The following SLC3A2 variants were observed in gnomAD, a reference collection of about 807,000 sequenced individuals.
SLC3A2 encodes the protein solute carrier family 3 member 2.
Under a neutral mutation model 48.5 loss-of-function variants are expected in SLC3A2, and 32 were observed. That is an observed-to-expected ratio of 0.66 (90% CI 0.50 to 0.89). The LOEUF is 0.89. Ranked by LOEUF, SLC3A2 falls within the 40% of genes least tolerant of loss-of-function variation. The pLI is 0.00. For synonymous variants in SLC3A2, 277 were observed against 288.8 expected, an observed-to-expected ratio of 0.96 and a Z score of 0.41; for missense variants, 587 against 680.7, an observed-to-expected ratio of 0.86 and a Z score of 1.53.
At position 62,862,572 on chromosome 11, in the gene SLC3A2, G is replaced by C. The variant is rs571516574; in HGVS notation, c.112+6191G>C. 5.3e-5 allele frequency among the ~76,000 whole-genome samples: 8 copies of C among 152,034 alleles called. No individual in the cohort carries two copies. In the South Asian group the frequency reaches 1.7e-3, roughly 32 times the overall value. Reference sequence around the variant, plus strand: ...CTTCTCACCCACAGTCAACTCCCTGGGGTTTGATTTTATCTAGGTAAATCA... The same window carrying C: ...CTTCTCACCCACAGTCAACTCCCTGCGGTTTGATTTTATCTAGGTAAATCA... On this transcript the variant is annotated intron_variant, in intron 1 of 9. Coordinates refer to the SLC3A2 transcript ENST00000377889.
In SLC3A2 at chr11:62,881,630, C is replaced by A; in HGVS notation, c.424+183C>A. 1.0e-6 allele frequency: 1 copy of A among 989,686 alleles called. No individual in the cohort carries two copies. The highest frequency in any genetic ancestry group is 1.7e-5 in the South Asian group (1 of 57,696). The allele number at this position is 989,686 out of a possible 1,614,324, so 61.3% of individuals were successfully genotyped here. On this transcript the variant is annotated intron_variant, in intron 1 of 8. Transcript: ENST00000338663. This position sits in a 1 kb window ranked among gnomAD's most constrained non-coding sequence, Gnocchi z 4.0. ...CTTCCCTCCTTTCTTTGAAGAAAGC[C>A]GACCCGCCCCTCACTCCGTCACGAG... is the stretch of plus-strand genomic sequence containing the variant.
At chr11:62,882,607 C>G (rs572895130) in intron 2 of SLC3A2, 7 of 341,992 alleles carry the variant, frequency 2.0e-5, no homozygotes, top group African/African-American at 6.3e-5. Context: ...GCCTCAGCCT[C>G]CTGAGTAGCT....
chr11:62,886,804 G>C (rs532601485), intron 7 of SLC3A2, among the ~76,000 whole-genome samples: 2 of 152,240 alleles, frequency 1.3e-5, no homozygotes, highest in Admixed American at 1.3e-4. Flanking sequence ...CACTGTTGTT[G>C]CCCAGGCTGG....
At chr11:62,873,950 C>G (rs936060163) in intron 1 of SLC3A2, among the ~76,000 whole-genome samples, 2 of 134,802 alleles carry the variant, frequency 1.5e-5, no homozygotes, top group Non-Finnish European at 3.1e-5. Context: ...ACCCCAGGTA[C>G]TTGCACCATG....
At chr11:62,886,847 C>T (rs1215629830) in intron 7 of SLC3A2, among the ~76,000 whole-genome samples, 1 of 152,148 alleles carries the variant, frequency 6.6e-6, no homozygotes, top group African/African-American at 2.4e-5. Context: ...GCTCTGCCTG[C>T]CCTGATCTCC....
At chr11:62,856,118 C>G (rs1049303621), upstream of SLC3A2, 2 of 595,326 alleles carry the variant, frequency 3.4e-6, no homozygotes, top group African/African-American at 3.8e-5. Flanking sequence ...CGCATTGCGG[C>G]TTGGTTTTCT....
At chr11:62,870,143 A>G (rs549294599) in intron 1 of SLC3A2, among the ~76,000 whole-genome samples, 1 of 151,484 alleles carries the variant, frequency 6.6e-6, no homozygotes, top group African/African-American at 2.4e-5. Flanking sequence ...GAGGTCAGAA[A>G]GATATTCTTA....
At chr11:62,883,694 A>T (rs867006443) in intron 3 of SLC3A2, 2 of 260,808 alleles carry the variant, frequency 7.7e-6, no homozygotes, top group Non-Finnish European at 1.5e-5. Context: ...AGGCCTTGCC[A>T]GTTACTAGGG....
At chr11:62,857,158 G>A (rs748253867) in intron 1 of SLC3A2, among the ~76,000 whole-genome samples, 5 of 151,400 alleles carry the variant, frequency 3.3e-5, no homozygotes, top group Non-Finnish European at 5.9e-5. Context: ...GGCTTGCTCT[G>A]TCGCCCAGGC....
At chr11:62,857,600 G>A (rs147192332) in intron 1 of SLC3A2, among the ~76,000 whole-genome samples, 2,098 of 150,602 alleles carry the variant, frequency 0.014, 23 homozygotes, top group Non-Finnish European at 0.022. Flanking sequence ...TAAGGTGGGA[G>A]GATTGCTTGA....
chr11:62,859,769 T>C (rs1193284749), intron 1 of SLC3A2, among the ~76,000 whole-genome samples: 1 of 151,808 alleles, frequency 6.6e-6, no homozygotes, highest in Non-Finnish European at 1.5e-5. Context: ...GTGAGTGACA[T>C]AGAATCTACT....
chr11:62,880,118 C>A (rs1181188941), upstream of SLC3A2, among the ~76,000 whole-genome samples: 1 of 152,122 alleles, frequency 6.6e-6, no homozygotes, highest in Non-Finnish European at 1.5e-5. Context: ...ATGTCTGATT[C>A]CTAGCTGCCA....
chr11:62,859,795 T>TA (rs1302158107), intron 1 of SLC3A2, among the ~76,000 whole-genome samples: 9 of 150,334 alleles, frequency 6.0e-5, no homozygotes, highest in African/African-American at 2.2e-4. Context: ...AGAGGGCATT[T>TA]TAAAAAAAGT....
chr11:62,874,190 GA>G (rs2085547817), intron 1 of SLC3A2, among the ~76,000 whole-genome samples: 1 of 151,818 alleles, frequency 6.6e-6, no homozygotes, highest in Non-Finnish European at 1.5e-5. Context: ...CATGACTGCA[GA>G]AATAGCTGCT....
In SLC3A2 at chr11:62,888,366, G is replaced by T; in HGVS notation, c.1263G>T (p.Leu421Phe). The T allele has an allele frequency of 6.2e-7, 1 of 1,614,156 alleles. No homozygotes were observed. Among genetic ancestry groups the T allele is most frequent in the African/African-American group, 1.3e-5 (1 of 75,046 alleles). ...QSEDPGSLLS[L>F]FRRLSDQRSK... Reference sequence around the variant, plus strand: ...AAGACCCTGGCTCCCTCCTTTCCTTGTTCCGGCGGCTGAGTGACCAGCGGA... The same window carrying T: ...AAGACCCTGGCTCCCTCCTTTCCTTTTTCCGGCGGCTGAGTGACCAGCGGA... Residue 421 changes from leucine (L) to phenylalanine (F), a missense_variant, in exon 9 of 9, where the codon TTG (leucine) becomes TTT (phenylalanine). Physicochemically the swap from Leu to Phe is conservative, Grantham distance 22. Coordinates refer to ENST00000338663, the MANE Select transcript of SLC3A2 (RefSeq NM_001013251.3).
At chr11:62,862,327 CTG>C (rs2085408795) in intron 1 of SLC3A2, among the ~76,000 whole-genome samples, 1 of 68,682 alleles carries the variant, frequency 1.5e-5, no homozygotes, top group Non-Finnish European at 2.4e-5. Flanking sequence ...GAGTGAGACT[CTG>C]TCTCAAAAAA....
intron 3 of SLC3A2, chr11:62,883,636 A>T (rs2085670593): frequency 4.8e-6 from 1 of 209,836 alleles, no homozygotes; most frequent in Non-Finnish European, 9.9e-6. Context: ...TCTAAGATAG[A>T]ATTCTGGACT....
rs200540696 is a variant in SLC3A2 at position 62,888,357 on chromosome 11, C to T, written c.1254C>T (p.Leu418=). Residue 418 remains leucine, a synonymous_variant, in exon 9 of 9, where the codon CTC becomes CTT. Coordinates refer to ENST00000338663, the MANE Select transcript of SLC3A2 (RefSeq NM_001013251.3). The stretch of plus-strand genomic sequence containing the variant: ...GCCAGAGTGAAGACCCTGGCTCCCT[C>T]CTTTCCTTGTTCCGGCGGCTGAGTG... The part of the protein sequence containing the change: ...VKGQSEDPGS[L]LSLFRRLSDQ... 1.9e-6 allele frequency: 3 copies of T among 1,614,054 alleles called. No individual in the cohort carries two copies. The highest frequency in any genetic ancestry group is 2.7e-5 in the African/African-American group (2 of 74,944).
chr11:62,884,345 T>C, intron 3 of SLC3A2, 112 bp from the exon 4 acceptor site: 1 of 1,165,886 alleles, frequency 8.6e-7, no homozygotes, highest in Non-Finnish European at 1.3e-6. Context: ...GGCACAGGAC[T>C]CTCCCCAGCT....
Sources: allele counts gnomAD v4.1 joint callset (sites outside exome capture counted in the v4.1 genomes callset), GRCh38; gene constraint gnomAD v4.1.1; non-coding constraint Gnocchi (gnomAD v3.1); transcripts MANE v1.5; gene names NCBI Gene and HGNC (gene_info 2026-07-23, HGNC 2026-07-21).